TVP23C: variants seen among roughly 807,000 people sequenced by gnomAD.
TVP23C encodes the protein Golgi apparatus membrane protein TVP23 homolog C.
A neutral mutation model predicts 28.7 loss-of-function variants in TVP23C; 19 were observed. That is an observed-to-expected ratio of 0.66 (90% CI 0.46 to 0.97). TVP23C has a LOEUF of 0.97. Ranked by LOEUF, TVP23C falls within the 50% of genes least tolerant of loss-of-function variation. The pLI is 0.00. For missense variants in TVP23C, 186 were observed against 241.3 expected (o/e 0.77, Z 1.52); for synonymous variants, 68 against 81.7 (o/e 0.83, Z 0.90).
rs1983357454 is a variant in TVP23C at position 15,540,332 on chromosome 17, T to C, written c.*80A>G. On this transcript the variant is annotated 3_prime_UTR_variant, in exon 6 of 6. Transcript: ENST00000518321. ...CTTTATCATTATATTTATACAACTA[T>C]ATGCCTTTAAAACTTCTGTTCAGGA... The C allele has an allele frequency of 2.1e-6, 3 of 1,397,934 alleles. No individual in the cohort carries two copies. The highest frequency in any genetic ancestry group is 2.9e-5 in the South Asian group (2 of 67,830). 86.6% of individuals were successfully genotyped at this position (1,397,934 alleles called of 1,614,324 possible).
intron 5 of TVP23C, among the ~76,000 whole-genome samples, chr17:15,522,591 A>G (rs1982525754): frequency 6.6e-6 from 1 of 152,236 alleles, no homozygotes; most frequent in Admixed American, 6.5e-5. Context: ...TAAATTCTAG[A>G]TAATTTTAAA....
At chr17:15,504,969 G>C (rs151062929) in intron 5 of TVP23C, among the ~76,000 whole-genome samples, 2 of 152,168 alleles carry the variant, frequency 1.3e-5, no homozygotes, top group Non-Finnish European at 2.9e-5. Context: ...GGAAGAAGGA[G>C]AGGGTCCAAT....
intron 5 of TVP23C, among the ~76,000 whole-genome samples, chr17:15,507,731 C>T (rs1037020184): frequency 2.6e-5 from 4 of 151,942 alleles, no homozygotes; most frequent in African/African-American, 4.8e-5. Flanking sequence ...CCCAGCTACT[C>T]GGGAGGCTGA....
rs542183582 is a variant in TVP23C, at chr17:15,553,554, A to G, written c.240+131T>C. Reference sequence around the variant, plus strand: ...AAAAAAAAAAACTACATGCAATTTGATATATCTAGCACTTCAACACAGATG... The same window carrying G: ...AAAAAAAAAAACTACATGCAATTTGGTATATCTAGCACTTCAACACAGATG... On this transcript the variant is annotated intron_variant, in intron 3 of 5. Transcript: ENST00000518321. The G allele has an allele frequency of 1.9e-4, 189 of 1,011,430 alleles. 1 individual carries two copies. The African/African-American group carries it at 2.6e-3, about 14-fold the overall frequency. 62.7% of individuals were successfully genotyped at this position (1,011,430 alleles called of 1,614,324 possible). A position where few individuals can be genotyped will look rare whatever the true frequency, so the allele number is the denominator to read the frequency against.
intron 5 of TVP23C, among the ~76,000 whole-genome samples, chr17:15,511,362 A>T (rs1258275590): frequency 6.6e-6 from 1 of 152,192 alleles, no homozygotes; most frequent in Non-Finnish European, 1.5e-5. Context: ...TGTCACCATA[A>T]TAAAGACAGA....
intron 1 of TVP23C, 87 bp from the exon 2 acceptor site, chr17:15,555,451 A>G: frequency 6.5e-7 from 1 of 1,546,526 alleles, no homozygotes; most frequent in East Asian, 2.3e-5. Context: ...ACTCATCAAA[A>G]TAGAAGATAA....
At chr17:15,528,818 G>A (rs8064284) in intron 5 of TVP23C, among the ~76,000 whole-genome samples, 2,060 of 150,998 alleles carry the variant, frequency 0.014, 49 homozygotes, top group African/African-American at 0.048. Flanking sequence ...GGCTGGTCTC[G>A]AACTCCTGAC....
chr17:15,555,364 C>A lies in TVP23C; in HGVS notation c.13G>T (p.Asp5Tyr). The change falls in exon 2 of 6, where the codon GAT becomes TAT. Residue 5 changes from aspartate (D) to tyrosine (Y), a missense_variant and splice_region_variant. This residue lies in a region of TVP23C where 92 missense variants were observed against 94.3 expected (regional missense o/e 0.98). Transcript: ENST00000518321. MLQQ[D>Y]SNDDTEDVSL... ...ACATCTTCAGTGTCATCATTACTAT[C>A]CTGGTTGGAAAAATAAATGGTCAAG... 2 of 1,613,948 alleles carry A rather than the reference C, an allele frequency of 1.2e-6. No individual in the cohort carries two copies. Among genetic ancestry groups the A allele is most frequent in the South Asian group, 1.1e-5 (1 of 91,068 alleles).
At chr17:15,540,669 A>G (rs1686871663) in intron 5 of TVP23C, 108 bp from the exon 6 acceptor site, 1 of 625,868 alleles carries the variant, frequency 1.6e-6, no homozygotes, top group South Asian at 2.0e-5. Context: ...AGGAAGAGGA[A>G]GCTCTGCAAA....
chr17:15,556,915 A>G (rs1984159097), intron 1 of TVP23C, among the ~76,000 whole-genome samples: 1 of 151,512 alleles, frequency 6.6e-6, no homozygotes, highest in Non-Finnish European at 1.5e-5. Context: ...CATAAAGCAT[A>G]GAAGATCACA....
Position 15,510,045 on chromosome 17 carries a change from TAAAAAAACAGCAA to T in TVP23C, c.463-6826_463-6814del, listed in dbSNP as rs534110438. The stretch of plus-strand genomic sequence containing the variant: ...CTGATTTCGGAGACGTTGACTTTTT[TAAAAAAACAGCAA>T]AAGTGCTACTTAGAATGAATGACAT... On this transcript the variant is annotated intron_variant, in intron 5 of 5. Transcript: ENST00000225576. 2.7e-3 allele frequency among the ~76,000 whole-genome samples: 405 copies of T among 152,312 alleles called. 3 individuals are homozygous for T. The highest frequency in any genetic ancestry group is 0.016 in the South Asian group (77 of 4,830).
intron 5 of TVP23C, among the ~76,000 whole-genome samples, chr17:15,527,945 C>A (rs192280172): frequency 2.0e-5 from 3 of 152,184 alleles, no homozygotes; most frequent in African/African-American, 7.2e-5. Context: ...GATAACCAAT[C>A]GCTTTACAAA....
intron 3 of TVP23C, among the ~76,000 whole-genome samples, chr17:15,552,724 G>A (rs1026626674): frequency 1.3e-5 from 2 of 152,022 alleles, no homozygotes; most frequent in East Asian, 1.9e-4. Flanking sequence ...TGGCTACATT[G>A]GTGGATGTGA....
At chr17:15,507,093 T>A (rs962589180) in intron 5 of TVP23C, 3 of 1,089,870 alleles carry the variant, frequency 2.8e-6, no homozygotes, top group Non-Finnish European at 4.2e-6. Flanking sequence ...CTGGTGCCTC[T>A]ACGGGGAGAA....
At chr17:15,523,715 G>A (rs985641902) in intron 5 of TVP23C, among the ~76,000 whole-genome samples, 2 of 151,008 alleles carry the variant, frequency 1.3e-5, no homozygotes, top group Admixed American at 6.6e-5. Context: ...CCAGGTTCAC[G>A]CCATTCTCCT....
intron 5 of TVP23C, among the ~76,000 whole-genome samples, chr17:15,529,887 C>G (rs1982883041): frequency 6.6e-6 from 1 of 152,086 alleles, no homozygotes. Flanking sequence ...CAACCTCCGC[C>G]TCCTGGGTTC....
chr17:15,514,308 A>G (rs748991847), intron 5 of TVP23C, among the ~76,000 whole-genome samples: 5 of 150,060 alleles, frequency 3.3e-5, no homozygotes, highest in Non-Finnish European at 5.9e-5. Flanking sequence ...AAGAACAGGA[A>G]ATGTTTCTAA....
At chr17:15,562,996 C>G in intron 1 of TVP23C, 1 of 193,200 alleles carries the variant, frequency 5.2e-6, no homozygotes, top group South Asian at 1.6e-4. Context: ...TCTAAGAGCA[C>G]AAAGGAGAGA....
chr17:15,506,446 C>T (rs1024277727), intron 5 of TVP23C, among the ~76,000 whole-genome samples: 7 of 152,192 alleles, frequency 4.6e-5, no homozygotes, highest in African/African-American at 7.2e-5. Context: ...TGTAAACGCA[C>T]CAGTCAGCGC....
Sources: gnomAD v4.1 joint callset for allele counts (sites outside exome capture counted in the v4.1 genomes callset) on GRCh38, gnomAD v4.1.1 for gene constraint, gnomAD v4.1.1 regional missense constraint, MANE v1.5 for transcripts, NCBI Gene and HGNC (gene_info 2026-07-23, HGNC 2026-07-21) for gene names.